Variants in ZNF442 observed in about 807,000 individuals in gnomAD.
ZNF442 encodes the protein zinc finger protein 442.
A neutral mutation model predicts 57.0 loss-of-function variants in ZNF442; 45 were observed. The observed-to-expected ratio is 0.79, with a 90% CI of 0.62 to 1.01. ZNF442 has a LOEUF of 1.01. ZNF442 is among the 50% of genes least tolerant of loss of function. The pLI, the probability that ZNF442 is intolerant of heterozygous loss-of-function variation, is 0.00. For missense variants in ZNF442, 690 were observed against 756.5 expected (o/e 0.91, Z 1.03); for synonymous variants, 213 against 241.8 (o/e 0.88, Z 1.10).
chr19:12,353,158 A>T (rs768262097), intron 3 of ZNF442, 44 bp from the exon 4 acceptor site: 1 of 1,541,722 alleles, frequency 6.5e-7, no homozygotes, highest in Admixed American at 2.2e-5. Context: ...TGAGACTGAT[A>T]GTACCAAAAA....
Position 12,348,096 on chromosome 19 carries a change from G to C in ZNF442, c.*1605C>G, listed in dbSNP as rs988490851. ...ACGGTGGCTCATGCCTGTAATCTCA[G>C]CACTTTGGGAGGCCGAGGCAGGTGG... is the stretch of plus-strand genomic sequence containing the variant. On this transcript the variant is annotated 3_prime_UTR_variant, in exon 6 of 6. Transcript: ENST00000242804. 1.3e-5 allele frequency: 2 copies of C among 152,162 alleles called. No homozygotes were observed. Among genetic ancestry groups the C allele is most frequent in the Non-Finnish European group, 2.9e-5 (2 of 68,058 alleles). 9.4% of individuals were successfully genotyped at this position (152,162 alleles called of 1,614,324 possible).
intron 3 of ZNF442, among the ~76,000 whole-genome samples, chr19:12,357,610 C>T (rs1327134961): frequency 6.6e-6 from 1 of 151,268 alleles, no homozygotes; most frequent in Non-Finnish European, 1.5e-5. Flanking sequence ...ACCTTGGCCT[C>T]CCAAAGTGCT....
chr19:12,366,611 C>T (rs1969534163), upstream of ZNF442, among the ~76,000 whole-genome samples: 1 of 152,126 alleles, frequency 6.6e-6, no homozygotes, highest in African/African-American at 2.4e-5. Context: ...ACTACACTGC[C>T]ATGCCTTATG....
Position 12,348,978 on chromosome 19 carries a change from C to G in ZNF442, c.*723G>C, listed in dbSNP as rs1048378297. On this transcript the variant is annotated 3_prime_UTR_variant, in exon 6 of 6. Transcript: ENST00000242804. ...GGCAGATCATCTGAGGTCAGGAGTT[C>G]GAGACCAGCCTGACCAATATGATGA... The G allele has an allele frequency of 7.1e-6, 1 of 140,306 alleles. No homozygotes were observed. The highest frequency in any genetic ancestry group is 1.5e-5 in the Non-Finnish European group (1 of 66,646). The allele number at this position is 140,306 out of a possible 1,614,324, so 8.7% of individuals were successfully genotyped here.
At chr19:12,356,746 A>T (rs1969336657) in intron 3 of ZNF442, among the ~76,000 whole-genome samples, 1 of 152,200 alleles carries the variant, frequency 6.6e-6, no homozygotes, top group Non-Finnish European at 1.5e-5. Context: ...AAAAATGCTC[A>T]ACACCAATGC....
At position 12,351,224 on chromosome 19, in the gene ZNF442, A is replaced by G. The variant is rs1437346851; in HGVS notation, c.361T>C (p.Cys121Arg). 6.2e-7 allele frequency: 1 copy of G among 1,614,052 alleles called. No homozygotes were observed. The highest frequency in any genetic ancestry group is 8.5e-7 in the Non-Finnish European group (1 of 1,180,036). ...AATGAACAACCCATGATTTCTCCAC[A>G]CACACTGCTTTTACATGGATCTACT... ...PGVDPCKSSV[C>R]GEIMGCSFLN... is the part of the protein sequence containing the mutation. Residue 121 changes from cysteine to arginine, a missense_variant, in exon 6 of 6, where the codon TGT becomes CGT. Coordinates refer to ENST00000242804, the MANE Select transcript of ZNF442 (RefSeq NM_030824.3).
chr19:12,351,413 C>A lies in ZNF442; in HGVS notation c.267-95G>T, dbSNP rs1471503578. The stretch of plus-strand genomic sequence containing the variant: ...GGATTTACATTTTTACATCATCATG[C>A]AACGTGTAGGCTTCATGCACTGCTT... On this transcript the variant is annotated intron_variant, in intron 5 of 5. Transcript: ENST00000242804. The A allele has an allele frequency of 4.3e-6, 5 of 1,157,460 alleles. No homozygotes were observed. In the African/African-American group the frequency reaches 4.7e-5, roughly 11 times the overall value. 71.7% of individuals were successfully genotyped at this position (1,157,460 alleles called of 1,614,324 possible).
At chr19:12,366,234 T>G (rs897145339), upstream of ZNF442, among the ~76,000 whole-genome samples, 1 of 152,190 alleles carries the variant, frequency 6.6e-6, no homozygotes, top group African/African-American at 2.4e-5. Flanking sequence ...ATGGAAAATC[T>G]GGAATTATAT....
Position 12,350,139 on chromosome 19 carries a change from G to A in ZNF442, c.1446C>T (p.His482=), listed in dbSNP as rs750050749. 2.3e-5 allele frequency: 37 copies of A among 1,613,930 alleles called. No homozygotes were observed. In the South Asian group the frequency reaches 3.8e-4, roughly 17 times the overall value. Reference sequence around the variant, plus strand: ...TACACTCATATGGCTTCTCTCCAGTGTGAGTTGTTTCATGATTTTGAAAGG... The same window carrying A: ...TACACTCATATGGCTTCTCTCCAGTATGAGTTGTTTCATGATTTTGAAAGG... The part of the protein sequence containing the change: ...FYSFQNHETT[H]TGEKPYECKE... The change falls in exon 6 of 6, where the codon CAC becomes CAT. Residue 482 remains histidine, a synonymous_variant. Transcript: ENST00000242804.
rs147824960 is a variant in ZNF442 at position 12,361,877 on chromosome 19, G to A, written c.78+1677C>T. Among the ~76,000 whole-genome samples, 335 of 152,262 alleles carry A rather than the reference G, an allele frequency of 2.2e-3. 4 individuals carry two copies. The highest frequency in any genetic ancestry group is 7.6e-3 in the African/African-American group (317 of 41,556). On this transcript the variant is annotated intron_variant, in intron 3 of 5. Transcript: ENST00000242804. ...TGGGATTGCAGGAGCACGCCACCAC[G>A]CCTGACTGGTTTTCATATTTTTTTG...
chr19:12,352,188 G>T, intron 4 of ZNF442, 118 bp from the exon 5 acceptor site: 3 of 924,928 alleles, frequency 3.2e-6, no homozygotes, highest in South Asian at 1.7e-5. Context: ...GCTGACTCTT[G>T]AACAACATAG....
intron 3 of ZNF442, among the ~76,000 whole-genome samples, chr19:12,355,395 C>T (rs1449595956): frequency 2.8e-5 from 4 of 141,538 alleles, no homozygotes; most frequent in Non-Finnish European, 3.1e-5. Context: ...GAGTTTCGCT[C>T]TTATTACCCA....
upstream of ZNF442, among the ~76,000 whole-genome samples, chr19:12,366,445 C>T (rs774895672): frequency 5.3e-5 from 8 of 152,062 alleles, no homozygotes; most frequent in Non-Finnish European, 1.0e-4. Context: ...TCTCAAACCA[C>T]GTTTTAAACC....
chr19:12,365,454 G>T, intron 1 of ZNF442, 79 bp downstream of exon 1: 1 of 360,734 alleles, frequency 2.8e-6, no homozygotes. Context: ...GGGGACGCCC[G>T]GGTCCCGCCA....
At chr19:12,362,330 C>T (rs1969445431) in intron 3 of ZNF442, among the ~76,000 whole-genome samples, 1 of 151,870 alleles carries the variant, frequency 6.6e-6, no homozygotes, top group South Asian at 2.1e-4. Flanking sequence ...CTCTGCCCCG[C>T]CGCCCCATCT....
intron 2 of ZNF442, 121 bp from the exon 3 acceptor site, chr19:12,363,792 C>CA (rs1969482253): frequency 1.6e-6 from 1 of 640,996 alleles, no homozygotes; most frequent in Non-Finnish European, 2.8e-6. Context: ...GGCCCCACCC[C>CA]AACACCTCAG....
Position 12,347,363 on chromosome 19 carries a change from C to G in ZNF442, c.*2338G>C, listed in dbSNP as rs886949331. On this transcript the variant is annotated 3_prime_UTR_variant, in exon 6 of 6. Transcript: ENST00000242804. ...AGAAACCCATGTTTTCCTCCTACTA[C>G]TTCATTGGGTGTTGGAAACCATTAT... 1 of 152,168 alleles carries G rather than the reference C, an allele frequency of 6.6e-6. No homozygotes were observed. The highest frequency in any genetic ancestry group is 1.5e-5 in the Non-Finnish European group (1 of 68,036). The allele number at this position is 152,168 out of a possible 1,614,324, so 9.4% of individuals were successfully genotyped here. A position where few individuals can be genotyped will look rare whatever the true frequency, so the allele number is the denominator to read the frequency against.
chr19:12,358,604 T>C (rs1969374634), intron 3 of ZNF442, among the ~76,000 whole-genome samples: 1 of 152,150 alleles, frequency 6.6e-6, no homozygotes, highest in Admixed American at 6.5e-5. Flanking sequence ...AATGGTAACA[T>C]TAACTAACTG....
At chr19:12,364,461 A>C (rs1324941062) in intron 2 of ZNF442, among the ~76,000 whole-genome samples, 1 of 152,006 alleles carries the variant, frequency 6.6e-6, no homozygotes, top group African/African-American at 2.4e-5. Context: ...GCTCTCTGAA[A>C]ACAAAATGAA....
Sources: gnomAD v4.1 joint callset for allele counts (sites outside exome capture counted in the v4.1 genomes callset) on GRCh38, gnomAD v4.1.1 for gene constraint, MANE v1.5 for transcripts, NCBI Gene and HGNC (gene_info 2026-07-23, HGNC 2026-07-21) for gene names.